The following MIOS variants were observed in gnomAD, a reference collection of about 807,000 sequenced individuals.
The protein encoded by MIOS is GATOR2 complex protein MIOS.
A neutral mutation model predicts 96.9 loss-of-function variants in MIOS; 52 were observed. The observed-to-expected ratio is 0.54, with a 90% CI of 0.43 to 0.68. The LOEUF (loss-of-function observed/expected upper bound fraction) is 0.68, where lower values mean the gene tolerates loss of function less well. MIOS is among the 30% of genes least tolerant of loss of function. The pLI is 0.00. For missense variants in MIOS, 1,005 were observed against 1,052.8 expected, an observed-to-expected ratio of 0.95 and a Z score of 0.63; for synonymous variants, 397 against 359.5, an observed-to-expected ratio of 1.10 and a Z score of -1.18.
At chr7:7,602,664 G>A (rs1343336258) in intron 11 of MIOS, among the ~76,000 whole-genome samples, 2 of 152,130 alleles carry the variant, frequency 1.3e-5, no homozygotes, top group Non-Finnish European at 2.9e-5. Context: ...GTAATTTATA[G>A]ATTCAGTGCC....
chr7:7,576,905 A>G (rs1430937923), intron 5 of MIOS, among the ~76,000 whole-genome samples: 1 of 152,220 alleles, frequency 6.6e-6, no homozygotes, highest in East Asian at 1.9e-4. Context: ...AAGGTAGCAC[A>G]CATATATTTA....
At chr7:7,600,200 A>AT (rs11383757) in intron 11 of MIOS, among the ~76,000 whole-genome samples, 147,810 of 150,396 alleles carry the variant, frequency 0.98, 72,641 homozygotes, top group East Asian at 0.99. Flanking sequence ...GAAGCAAATT[A>AT]TTTTTTTTTG....
chr7:7,575,896 G>A (rs1455799241), intron 5 of MIOS, among the ~76,000 whole-genome samples: 1 of 144,980 alleles, frequency 6.9e-6, no homozygotes, highest in South Asian at 2.2e-4. Flanking sequence ...TTTTTTGTTT[G>A]GTATAGATAT....
intron 5 of MIOS, among the ~76,000 whole-genome samples, chr7:7,575,187 A>G (rs1286934223): frequency 1.3e-5 from 2 of 152,180 alleles, no homozygotes; most frequent in East Asian, 3.8e-4. Context: ...GTCAAAGAGC[A>G]GTAATAGAAG....
Position 7,572,946 on chromosome 7 carries a change from C to T in MIOS, c.471C>T (p.Pro157=). The T allele has an allele frequency of 2.5e-6, 4 of 1,614,056 alleles. No homozygotes were observed. The highest frequency in any genetic ancestry group is 3.4e-6 in the Non-Finnish European group (4 of 1,179,982). Residue 157 remains proline (P), a synonymous_variant, in exon 4 of 13, where the codon CCC becomes CCT. Coordinates refer to ENST00000340080, the MANE Select transcript of MIOS (RefSeq NM_019005.4). This position sits in a 1 kb window ranked among gnomAD's most constrained non-coding sequence, Gnocchi z 4.8. The part of the protein sequence containing the change: ...ICSKYTPDIV[P]MEKVKLSAGE... ...GCAAATATACTCCTGATATAGTTCCCATGGAAAAAGTGAAACTTTCAGCAG... is the reference window on the plus strand; with the variant it reads ...GCAAATATACTCCTGATATAGTTCCTATGGAAAAAGTGAAACTTTCAGCAG...
intron 6 of MIOS, among the ~76,000 whole-genome samples, chr7:7,584,989 A>G (rs2115415094): frequency 6.6e-6 from 1 of 152,170 alleles, no homozygotes; most frequent in Non-Finnish European, 1.5e-5. Flanking sequence ...TGTAAGTGTA[A>G]TACTGTAATT....
chr7:7,572,827 A>G lies in MIOS; in HGVS notation c.352A>G (p.Thr118Ala). The G allele has an allele frequency of 1.9e-6, 3 of 1,614,154 alleles. No individual in the cohort carries two copies. The highest frequency in any genetic ancestry group is 1.1e-5 in the South Asian group (1 of 91,078). ...TCCAAAACATGCACGACAATGTAATACCCTTGCCTGGAATCCACTGGATAG... is the reference window on the plus strand; with the variant it reads ...TCCAAAACATGCACGACAATGTAATGCCCTTGCCTGGAATCCACTGGATAG... ...FVPKHARQCNTLAWNPLDSNW... is the reference protein window; with the variant it reads ...FVPKHARQCNALAWNPLDSNW... The change falls in exon 4 of 13, where the codon ACC (threonine) becomes GCC (alanine). Residue 118 changes from threonine to alanine, a missense_variant. Transcript: ENST00000340080. The surrounding 1 kb of genome is among the most constrained non-coding windows in gnomAD (Gnocchi z 4.8).
At chr7:7,579,901 A>G (rs75017911) in intron 5 of MIOS, among the ~76,000 whole-genome samples, 2,109 of 152,326 alleles carry the variant, frequency 0.014, 25 homozygotes, top group Non-Finnish European at 0.021. Flanking sequence ...ATGTATCCCT[A>G]CTGTTAATCA....
rs1311861349 is a variant in MIOS, at chr7:7,583,189, G to C, written c.1465G>C (p.Glu489Gln). ...KQSDIQNLNE[E>Q]RILALQLCGW... ...AAGTGATATTCAAAATTTAAATGAA[G>C]AGAGAATCTTAGCTTTACAGCTTTG... is the stretch of plus-strand genomic sequence containing the variant. The change falls in exon 6 of 13, where the codon GAG (glutamate) becomes CAG (glutamine). Residue 489 changes from glutamate (E) to glutamine (Q), a missense_variant. Physicochemically the swap from Glu to Gln is conservative, Grantham distance 29. Coordinates refer to ENST00000340080, the MANE Select transcript of MIOS (RefSeq NM_019005.4). 1.9e-6 allele frequency: 3 copies of C among 1,614,146 alleles called. No homozygotes were observed. The highest frequency in any genetic ancestry group is 2.5e-6 in the Non-Finnish European group (3 of 1,179,990).
In MIOS at chr7:7,589,572, A is replaced by G. The variant is rs757356103; in HGVS notation, c.2043+9A>G. 43 of 1,570,262 alleles carry G rather than the reference A, an allele frequency of 2.7e-5. No individual in the cohort carries two copies. The highest frequency in any genetic ancestry group is 3.4e-5 in the Non-Finnish European group (39 of 1,156,824). On this transcript the variant is annotated intron_variant, in intron 9 of 12. Transcript: ENST00000340080. ...GTTACTGTATGTTACAGGTCAGTGC[A>G]GTTTGACAGCAGCTTTTAAAAAAGT...
chr7:7,600,698 C>T (rs544571539), intron 11 of MIOS, among the ~76,000 whole-genome samples: 15 of 152,030 alleles, frequency 9.9e-5, no homozygotes, highest in African/African-American at 2.2e-4. Context: ...AATTGAACTC[C>T]GCTCTGCACC....
At position 7,589,403 on chromosome 7, in the gene MIOS, A is replaced by T; in HGVS notation, c.1885-2A>T. ...TTAGAAAAATCACTTTAAATTTTCCAGTTAAATAGATACATCGAAAAGTTG... is the reference window on the plus strand; with the variant it reads ...TTAGAAAAATCACTTTAAATTTTCCTGTTAAATAGATACATCGAAAAGTTG... On this transcript the variant is annotated splice_acceptor_variant, in intron 8 of 12. Transcript: ENST00000340080. LOFTEE classifies it high-confidence loss of function. The T allele has an allele frequency of 2.5e-6, 4 of 1,612,014 alleles. No homozygotes were observed. Among genetic ancestry groups the T allele is most frequent in the Non-Finnish European group, 3.4e-6 (4 of 1,178,756 alleles).
Position 7,607,242 on chromosome 7 carries a change from G to A in MIOS, c.*150G>A, listed in dbSNP as rs114218720. 5.2e-6 allele frequency: 3 copies of A among 574,986 alleles called. No homozygotes were observed. Among genetic ancestry groups the A allele is most frequent in the South Asian group, 2.4e-5 (1 of 42,224 alleles). The allele number at this position is 574,986 out of a possible 1,614,324, so 35.6% of individuals were successfully genotyped here. On this transcript the variant is annotated 3_prime_UTR_variant, in exon 13 of 13. Coordinates refer to ENST00000340080, the MANE Select transcript of MIOS (RefSeq NM_019005.4). ...TATCAGATCAGCAGTTTTGATGTTTGAGTGATTTTGATATGCTTCACAGAG... is the reference window on the plus strand; with the variant it reads ...TATCAGATCAGCAGTTTTGATGTTTAAGTGATTTTGATATGCTTCACAGAG...
intron 3 of MIOS, among the ~76,000 whole-genome samples, chr7:7,569,319 T>A (rs917732795): frequency 6.6e-6 from 1 of 152,244 alleles, no homozygotes; most frequent in African/African-American, 2.4e-5. Context: ...AGGTTTTTTT[T>A]AGACCAGAGA....
chr7:7,606,820 GCACA>G (rs1217917687), intron 12 of MIOS, among the ~76,000 whole-genome samples, 172 bp from the exon 13 acceptor site: 3 of 152,116 alleles, frequency 2.0e-5, no homozygotes, highest in African/African-American at 7.2e-5. Flanking sequence ...GCACAGTGGT[GCACA>G]CCTGTAGTCC....
Position 7,574,181 on chromosome 7 carries a change from G to T in MIOS, c.1378G>T (p.Val460Leu), listed in dbSNP as rs368671194. 1.4e-5 allele frequency: 22 copies of T among 1,605,712 alleles called. No individual in the cohort carries two copies. The highest frequency in any genetic ancestry group is 5.4e-5 in the African/African-American group (4 of 74,590). The change falls in exon 5 of 13, where the codon GTA becomes TTA. Residue 460 changes from valine to leucine, a missense_variant. Val to Leu is a conservative substitution (Grantham distance 32, BLOSUM62 1). Coordinates refer to ENST00000340080, the MANE Select transcript of MIOS (RefSeq NM_019005.4). ...SLVYAGIKSI[V>L]KSSLGMVESS... The stretch of plus-strand genomic sequence containing the variant: ...GGTTTATGCAGGAATTAAATCAATT[G>T]TAAAGTCATCGTTGGGTAAGAAAAT...
chr7:7,607,011 C>T lies in MIOS; in HGVS notation c.2547C>T (p.Cys849=). The change falls in exon 13 of 13, where the codon TGC becomes TGT. Residue 849 remains cysteine (C), a synonymous_variant. Transcript: ENST00000340080. ...ATTTTTTTAGGGACCATGCAGAGTG[C>T]CCTGTGTCGGCATGCACGTGTAAAT... is the stretch of plus-strand genomic sequence containing the variant. The part of the protein sequence containing the change: ...MLSWFRDHAE[C]PVSACTCKCM... 6.2e-7 allele frequency: 1 copy of T among 1,611,508 alleles called. No individual in the cohort carries two copies. The highest frequency in any genetic ancestry group is 8.5e-7 in the Non-Finnish European group (1 of 1,178,346).
intron 6 of MIOS, 129 bp from the exon 7 acceptor site, chr7:7,585,507 C>A: frequency 3.0e-6 from 2 of 657,814 alleles, no homozygotes; most frequent in Non-Finnish European, 2.2e-6. Context: ...CAGCCCAAAA[C>A]CCTTATTCTC....
At chr7:7,604,188 C>T (rs1455558676) in intron 11 of MIOS, among the ~76,000 whole-genome samples, 1 of 152,048 alleles carries the variant, frequency 6.6e-6, no homozygotes, top group Admixed American at 6.5e-5. Flanking sequence ...ACGTTGTGCA[C>T]ATGTACCCTA....
Sources: gnomAD v4.1 joint callset for allele counts (sites outside exome capture counted in the v4.1 genomes callset) on GRCh38, gnomAD v4.1.1 for gene constraint, Gnocchi (gnomAD v3.1) non-coding constraint, MANE v1.5 for transcripts, NCBI Gene and HGNC (gene_info 2026-07-23, HGNC 2026-07-21) for gene names.